ADAMTSL1: variants seen among roughly 807,000 people sequenced by gnomAD.
ADAMTSL1 encodes the protein ADAMTS-like protein 1.
In ADAMTSL1, 126 loss-of-function variants were observed where a neutral mutation model predicts 201.8. The observed-to-expected ratio is 0.62, with a 90% CI of 0.54 to 0.72. ADAMTSL1 has a LOEUF of 0.72. Ranked by LOEUF, ADAMTSL1 falls within the 30% of genes least tolerant of loss-of-function variation. The pLI is 0.00. For synonymous variants in ADAMTSL1, 1,121 were observed against 903.4 expected, an observed-to-expected ratio of 1.24 and a Z score of -4.32; for missense variants, 2,679 against 2,277.8, an observed-to-expected ratio of 1.18 and a Z score of -3.59.
At chr9:17,935,974 C>A (rs2811818) in intron 1 of ADAMTSL1, among the ~76,000 whole-genome samples, 3 of 152,096 alleles carry the variant, frequency 2.0e-5, no homozygotes, top group East Asian at 3.9e-4. Flanking sequence ...CTCTCACCTA[C>A]CAGTTTCTCC....
At position 18,633,017 on chromosome 9, in the gene ADAMTSL1, C is replaced by T. The variant is rs115757634; in HGVS notation, c.602-2926C>T. 2.0e-3 allele frequency among the ~76,000 whole-genome samples: 312 copies of T among 152,254 alleles called. 2 individuals are homozygous for T. Among genetic ancestry groups the T allele is most frequent in the African/African-American group, 7.2e-3 (301 of 41,552 alleles). ...TTCTTTAGGGAACATACAGATATTACAGCATCAGCCAAGAGCTAGGGTATT... is the reference window on the plus strand; with the variant it reads ...TTCTTTAGGGAACATACAGATATTATAGCATCAGCCAAGAGCTAGGGTATT... On this transcript the variant is annotated intron_variant, in intron 5 of 28. Transcript: ENST00000380548.
chr9:18,183,599 A>C (rs1828598082), intron 2 of ADAMTSL1, among the ~76,000 whole-genome samples: 1 of 152,234 alleles, frequency 6.6e-6, no homozygotes, highest in Admixed American at 6.5e-5. Flanking sequence ...ACAGTTGGCA[A>C]ATAAGCATAT....
chr9:18,184,206 A>G (rs1194921682), intron 2 of ADAMTSL1, among the ~76,000 whole-genome samples: 2 of 152,180 alleles, frequency 1.3e-5, no homozygotes, highest in African/African-American at 4.8e-5. Flanking sequence ...AAAGTCTGAT[A>G]GCAATTGTGG....
chr9:17,964,893 CAG>C (rs1343874342), intron 1 of ADAMTSL1, among the ~76,000 whole-genome samples: 1 of 151,914 alleles, frequency 6.6e-6, no homozygotes, highest in Non-Finnish European at 1.5e-5. Flanking sequence ...TTTTTTGAGA[CAG>C]AGTCTTGCTC....
chr9:18,443,655 A>G (rs1820082565), intron 2 of ADAMTSL1, among the ~76,000 whole-genome samples: 1 of 152,166 alleles, frequency 6.6e-6, no homozygotes, highest in Admixed American at 6.5e-5. Flanking sequence ...AAGTTTGGAT[A>G]CTTTGCAGTC....
rs539109115 is a variant in ADAMTSL1, at chr9:18,462,734, T to A, written c.208-42095T>A. Among the ~76,000 whole-genome samples the A allele has an allele frequency of 2.3e-3, 346 of 149,424 alleles. 1 individual carries two copies. Among genetic ancestry groups the A allele is most frequent in the African/African-American group, 8.0e-3 (324 of 40,688 alleles). On this transcript the variant is annotated intron_variant, in intron 2 of 29. Transcript: ENST00000680146. ...TGGGTGGATTACCTGAGGTCAGGAG[T>A]TTGAGACCAGCCTGGGTAACATGGT...
intron 2 of ADAMTSL1, among the ~76,000 whole-genome samples, chr9:18,210,799 C>T (rs1350993691): frequency 6.6e-6 from 1 of 151,272 alleles, no homozygotes; most frequent in Non-Finnish European, 1.5e-5. Context: ...TTCACAATAT[C>T]TCCTGATGCT....
intron 16 of ADAMTSL1, among the ~76,000 whole-genome samples, chr9:18,766,303 G>C (rs1820359860): frequency 6.6e-6 from 1 of 152,196 alleles, no homozygotes; most frequent in Non-Finnish European, 1.5e-5. Flanking sequence ...GGCAGGGTTA[G>C]AGGAGTATAG....
intron 1 of ADAMTSL1, among the ~76,000 whole-genome samples, chr9:18,082,211 G>A (rs1261874025): frequency 6.6e-6 from 1 of 152,180 alleles, no homozygotes; most frequent in South Asian, 2.1e-4. Flanking sequence ...ATAACATATA[G>A]AGGATAAGAA....
At chr9:18,735,647 T>A (rs1005970696) in intron 15 of ADAMTSL1, among the ~76,000 whole-genome samples, 1 of 152,122 alleles carries the variant, frequency 6.6e-6, no homozygotes, top group African/African-American at 2.4e-5. Flanking sequence ...AAACATGGGT[T>A]ACCCCTTTAT....
chr9:18,190,631 C>A (rs777711550), intron 2 of ADAMTSL1, among the ~76,000 whole-genome samples: 2 of 152,092 alleles, frequency 1.3e-5, no homozygotes, highest in African/African-American at 4.8e-5. Context: ...AAATTTGAAC[C>A]CATTAAATAA....
chr9:17,949,193 A>G (rs560885751), intron 1 of ADAMTSL1, among the ~76,000 whole-genome samples: 67 of 152,312 alleles, frequency 4.4e-4, no homozygotes, highest in African/African-American at 1.6e-3. Flanking sequence ...ATAATTACAT[A>G]AGAGGTTAAA....
At chr9:18,405,188 A>C (rs1252681039) in intron 2 of ADAMTSL1, among the ~76,000 whole-genome samples, 1 of 152,208 alleles carries the variant, frequency 6.6e-6, no homozygotes, top group Admixed American at 6.5e-5. Context: ...CAGAAAACAC[A>C]AATCCTTATT....
At chr9:18,574,306 T>A (rs1822561009) in intron 4 of ADAMTSL1, 40 bp downstream of exon 4, 12 of 1,528,308 alleles carry the variant, frequency 7.9e-6, no homozygotes, top group Non-Finnish European at 1.1e-5. Context: ...GTCCAGAGGG[T>A]TTCAATGTCT....
At chr9:18,852,529 C>T (rs750914675) in intron 23 of ADAMTSL1, among the ~76,000 whole-genome samples, 4 of 152,224 alleles carry the variant, frequency 2.6e-5, no homozygotes, top group African/African-American at 4.8e-5. Context: ...TTCTCATTAA[C>T]TTGTTCATTT....
At chr9:18,520,156 A>C (rs1205682002) in intron 2 of ADAMTSL1, among the ~76,000 whole-genome samples, 1 of 152,234 alleles carries the variant, frequency 6.6e-6, no homozygotes, top group Admixed American at 6.5e-5. Flanking sequence ...ATGTGGGTCT[A>C]AATTTTAATT....
chr9:18,313,360 C>G (rs983455131), intron 2 of ADAMTSL1, among the ~76,000 whole-genome samples: 2 of 152,032 alleles, frequency 1.3e-5, no homozygotes, highest in African/African-American at 4.8e-5. Context: ...ATGCTGTTAC[C>G]TCACCCCAGG....
intron 15 of ADAMTSL1, among the ~76,000 whole-genome samples, chr9:18,748,269 C>T (rs1008544420): frequency 6.6e-6 from 1 of 152,216 alleles, no homozygotes; most frequent in African/African-American, 2.4e-5. Flanking sequence ...TGAAAGAAAC[C>T]ATAGCAGTCA....
intron 1 of ADAMTSL1, among the ~76,000 whole-genome samples, chr9:17,967,891 G>A (rs1029611842): frequency 3.3e-5 from 5 of 152,178 alleles, no homozygotes; most frequent in Admixed American, 3.3e-4. Context: ...ATCATGAAAA[G>A]TCTATTCGGA....
Sources: allele counts gnomAD v4.1 joint callset (sites outside exome capture counted in the v4.1 genomes callset), GRCh38; gene constraint gnomAD v4.1.1; transcripts MANE v1.5; gene names NCBI Gene and HGNC (gene_info 2026-07-23, HGNC 2026-07-21).